The following PCYT1A variants were observed in gnomAD, a reference collection of about 807,000 sequenced individuals.
PCYT1A encodes the protein phosphate cytidylyltransferase 1A, choline.
PCYT1A carries 25 observed loss-of-function variants against 43.7 expected under a neutral mutation model. The observed-to-expected ratio is 0.57, with a 90% confidence interval of 0.42 to 0.80. PCYT1A has a LOEUF of 0.80. Ranked by LOEUF, PCYT1A falls within the 30% of genes least tolerant of loss-of-function variation. The pLI is 0.00. For synonymous variants in PCYT1A, 172 were observed against 170.7 expected (o/e 1.01, Z -0.06); for missense variants, 421 against 474.2 (o/e 0.89, Z 1.04).
chr3:196,274,041 C>G (rs1177008320), intron 1 of PCYT1A, among the ~76,000 whole-genome samples: 1 of 152,236 alleles, frequency 6.6e-6, no homozygotes, highest in Non-Finnish European at 1.5e-5. Context: ...CCAGAGGGGG[C>G]CAAGGCAGAA....
At chr3:196,240,672 C>G (rs952514214) in intron 7 of PCYT1A, 3 of 152,122 alleles carry the variant, frequency 2.0e-5, no homozygotes, top group African/African-American at 7.2e-5. Flanking sequence ...GCCTGGATGA[C>G]TGAGTGTGAC....
Position 196,242,361 on chromosome 3 carries a change from G to C in PCYT1A, c.565+201C>G, listed in dbSNP as rs1724384848. On this transcript the variant is annotated intron_variant, in intron 6 of 8. Coordinates refer to ENST00000431016, the MANE Select transcript of PCYT1A (RefSeq NM_001312673.2). The surrounding 1 kb of genome is among the most constrained non-coding windows in gnomAD (Gnocchi z 4.2). ...GAGAGATATCCAAAGTAGATGTTTA[G>C]ACCAAGAATTGATGGATGTCATGAA... 3 of 700,052 alleles carry C rather than the reference G, an allele frequency of 4.3e-6. No individual in the cohort carries two copies. Among genetic ancestry groups the C allele is most frequent in the Middle Eastern group, 2.4e-4 (1 of 4,162 alleles). The allele number at this position is 700,052 out of a possible 1,614,324, so 43.4% of individuals were successfully genotyped here.
chr3:196,280,022 T>TG (rs1725712170), intron 1 of PCYT1A, among the ~76,000 whole-genome samples: 1 of 151,886 alleles, frequency 6.6e-6, no homozygotes, highest in Non-Finnish European at 1.5e-5. Context: ...TTAGTAGAGA[T>TG]GGGGTTTCTC....
chr3:196,255,006 G>C (rs1470487761), intron 3 of PCYT1A, among the ~76,000 whole-genome samples: 1 of 151,964 alleles, frequency 6.6e-6, no homozygotes, highest in Non-Finnish European at 1.5e-5. Flanking sequence ...TTTTCTCTAA[G>C]TAGAGAATCT....
Position 196,238,468 on chromosome 3 carries a change from G to C in PCYT1A, c.*220C>G. ...TTGGGGGGGGGTAAATGGATGCAGAGCAGGCTTCTAAGGTGCAGTCCCCCT... is the reference window on the plus strand; with the variant it reads ...TTGGGGGGGGGTAAATGGATGCAGACCAGGCTTCTAAGGTGCAGTCCCCCT... On this transcript the variant is annotated 3_prime_UTR_variant, in exon 9 of 9. Transcript: ENST00000431016. The C allele has an allele frequency of 2.6e-6, 1 of 380,200 alleles. No individual in the cohort carries two copies. The highest frequency in any genetic ancestry group is 1.3e-4 in the South Asian group (1 of 7,850). The allele number at this position is 380,200 out of a possible 1,614,324, so 23.6% of individuals were successfully genotyped here.
chr3:196,261,396 C>T (rs1725103259), intron 2 of PCYT1A, among the ~76,000 whole-genome samples: 1 of 152,168 alleles, frequency 6.6e-6, no homozygotes, highest in Non-Finnish European at 1.5e-5. Context: ...TGGTGGCTCA[C>T]ACCTGTAATC....
At chr3:196,269,900 G>A (rs75458930) in intron 2 of PCYT1A, among the ~76,000 whole-genome samples, 35,839 of 149,200 alleles carry the variant, frequency 0.24, 5,869 homozygotes, top group East Asian at 0.76. Context: ...TTGAGATAGG[G>A]TCTGTCTCTG....
chr3:196,257,014 A>G (rs1471505916), intron 3 of PCYT1A, among the ~76,000 whole-genome samples: 1 of 152,200 alleles, frequency 6.6e-6, no homozygotes, highest in Non-Finnish European at 1.5e-5. Flanking sequence ...CTATATTTAC[A>G]GGGTAGAGAG....
At chr3:196,251,893 T>A (rs1724803185) in intron 3 of PCYT1A, among the ~76,000 whole-genome samples, 2 of 152,196 alleles carry the variant, frequency 1.3e-5, no homozygotes, top group South Asian at 4.1e-4. Context: ...TATTAAACTG[T>A]GGGAATGTAT....
intron 3 of PCYT1A, chr3:196,251,733 C>CA (rs1302676311): frequency 6.6e-6 from 1 of 152,158 alleles, no homozygotes; most frequent in Admixed American, 6.6e-5. Context: ...ATAATACACC[C>CA]ACTAAAAGGT....
chr3:196,241,131 T>TA (rs1209954920), intron 7 of PCYT1A, among the ~76,000 whole-genome samples: 2,698 of 49,686 alleles, frequency 0.054, 216 homozygotes, highest in Middle Eastern at 0.16. Flanking sequence ...CCATCTCTGC[T>TA]AAAAAAAAAA....
chr3:196,276,225 G>C (rs1451027740), intron 1 of PCYT1A, among the ~76,000 whole-genome samples: 1 of 152,064 alleles, frequency 6.6e-6, no homozygotes, highest in Non-Finnish European at 1.5e-5. Context: ...TTGTTAATTA[G>C]CTTGATTTAA....
At chr3:196,239,471 C>T in intron 8 of PCYT1A, 76 bp downstream of exon 8, 1 of 921,808 alleles carries the variant, frequency 1.1e-6, no homozygotes, top group Non-Finnish European at 1.7e-6. Flanking sequence ...GTGTCGATGC[C>T]CCTTCCTGCT....
chr3:196,260,270 T>C (rs1159510756), intron 2 of PCYT1A, among the ~76,000 whole-genome samples: 1 of 152,170 alleles, frequency 6.6e-6, no homozygotes, highest in Admixed American at 6.6e-5. Context: ...TTTGAAATAC[T>C]TTTAAAAATA....
chr3:196,264,323 A>C (rs1725204193), intron 2 of PCYT1A, among the ~76,000 whole-genome samples: 1 of 152,126 alleles, frequency 6.6e-6, no homozygotes. Context: ...TCCTGGGCTC[A>C]AGGGATCCTC....
At chr3:196,269,228 A>C (rs1035023500) in intron 2 of PCYT1A, among the ~76,000 whole-genome samples, 4 of 152,236 alleles carry the variant, frequency 2.6e-5, no homozygotes, top group Non-Finnish European at 5.9e-5. Flanking sequence ...CCTTATGATC[A>C]ATATCAGCCC....
intron 1 of PCYT1A, among the ~76,000 whole-genome samples, chr3:196,271,300 T>C (rs1446896391): frequency 2.0e-5 from 3 of 152,326 alleles, no homozygotes; most frequent in South Asian, 2.1e-4. Flanking sequence ...ATGACAGGCA[T>C]GAACCACATC....
In PCYT1A at chr3:196,242,944, C is replaced by G. The variant is rs1294134272; in HGVS notation, c.487-304G>C. ...GTGGTCAATAGGGCCAGAGGGTTTG[C>G]TGGTGAACCGGTTAGTGGGTGGAGC... On this transcript the variant is annotated intron_variant, in intron 5 of 8. Coordinates refer to ENST00000431016, the MANE Select transcript of PCYT1A (RefSeq NM_001312673.2). This position sits in a 1 kb window ranked among gnomAD's most constrained non-coding sequence, Gnocchi z 4.2. The G allele has an allele frequency of 2.8e-6, 1 of 355,276 alleles. No individual in the cohort carries two copies. Among genetic ancestry groups the G allele is most frequent in the Non-Finnish European group, 5.3e-6 (1 of 189,810 alleles). The allele number at this position is 355,276 out of a possible 1,614,324, so 22.0% of individuals were successfully genotyped here. A position where few individuals can be genotyped will look rare whatever the true frequency, so the allele number is the denominator to read the frequency against.
rs138930531 is a variant in PCYT1A, at chr3:196,257,801, G to A, written c.204C>T (p.Ser68=). The change falls in exon 3 of 9, where the codon AGC becomes AGT. Residue 68 remains serine (S), a synonymous_variant. Transcript: ENST00000431016. ...PYVRVTMEEA[S]RGTPCERPVR... ...GTATTTACTTACAAGGAGTTCCTCT[G>A]CTGGCTTCTTCCATAGTTACCCTGA... The A allele has an allele frequency of 4.9e-5, 78 of 1,596,242 alleles. No individual in the cohort carries two copies. Among genetic ancestry groups the A allele is most frequent in the Non-Finnish European group, 6.4e-5 (75 of 1,164,024 alleles).
Sources: allele counts gnomAD v4.1 joint callset (sites outside exome capture counted in the v4.1 genomes callset), GRCh38; gene constraint gnomAD v4.1.1; non-coding constraint Gnocchi (gnomAD v3.1); transcripts MANE v1.5; gene names NCBI Gene and HGNC (gene_info 2026-07-23, HGNC 2026-07-21).